Variants in PTPRB observed in about 807,000 individuals in gnomAD.
PTPRB encodes receptor-type tyrosine-protein phosphatase beta.
A neutral mutation model predicts 238.1 loss-of-function variants in PTPRB; 97 were observed. The observed-to-expected ratio is 0.41, with a 90% CI of 0.35 to 0.48. The LOEUF is 0.48. Ranked by LOEUF, PTPRB falls within the 20% of genes least tolerant of loss-of-function variation. The pLI is 0.30. For synonymous variants in PTPRB, 970 were observed against 995.4 expected, an observed-to-expected ratio of 0.97 and a Z score of 0.48; for missense variants, 2,292 against 2,681.9, an observed-to-expected ratio of 0.85 and a Z score of 3.21.
At chr12:70,625,217 G>A (rs1885119488) in intron 2 of PTPRB, among the ~76,000 whole-genome samples, 1 of 152,132 alleles carries the variant, frequency 6.6e-6, no homozygotes, top group African/African-American at 2.4e-5. Flanking sequence ...AGAAGATTTA[G>A]TCTTAACATT....
At chr12:70,545,699 G>A (rs1592437220) in intron 21 of PTPRB, among the ~76,000 whole-genome samples, 1 of 152,148 alleles carries the variant, frequency 6.6e-6, no homozygotes, top group Admixed American at 6.5e-5. Flanking sequence ...AGGAGCCCTG[G>A]CAATGAGAAT....
At chr12:70,630,603 C>T (rs1173520390) in intron 2 of PTPRB, among the ~76,000 whole-genome samples, 6 of 152,068 alleles carry the variant, frequency 3.9e-5, no homozygotes, top group East Asian at 1.9e-4. Flanking sequence ...AAAGGGTATT[C>T]GATTAGGAAA....
At chr12:70,535,025 CCT>C in intron 29 of PTPRB, 70 bp from the exon 30 acceptor site, 4 of 1,515,208 alleles carry the variant, frequency 2.6e-6, no homozygotes, top group Non-Finnish European at 3.6e-6. Context: ...GGGTTTCCCT[CCT>C]CTAAATGTCT....
At chr12:70,611,166 CCTTT>C (rs753418004) in intron 3 of PTPRB, among the ~76,000 whole-genome samples, 6 of 152,130 alleles carry the variant, frequency 3.9e-5, no homozygotes, top group Non-Finnish European at 8.8e-5. Context: ...ATGGCATATT[CCTTT>C]CTTTTTCAAA....
chr12:70,575,665 G>A (rs899433708), intron 11 of PTPRB, among the ~76,000 whole-genome samples: 1 of 152,184 alleles, frequency 6.6e-6, no homozygotes, highest in Non-Finnish European at 1.5e-5. Flanking sequence ...CCATAGCTTA[G>A]TAGGAAACAT....
At chr12:70,568,927 T>A (rs540459774) in intron 14 of PTPRB, among the ~76,000 whole-genome samples, 8 of 152,290 alleles carry the variant, frequency 5.3e-5, no homozygotes, top group African/African-American at 1.7e-4. Flanking sequence ...CTTTCAAAAA[T>A]AATACATGAA....
rs1487198729 is a variant in PTPRB at position 70,516,631 on chromosome 12, G to A, written c.*4858C>T. 2 of 152,216 alleles carry A rather than the reference G, an allele frequency of 1.3e-5. No homozygotes were observed. The highest frequency in any genetic ancestry group is 2.1e-4 in the South Asian group (1 of 4,832). The allele number at this position is 152,216 out of a possible 1,614,324, so 9.4% of individuals were successfully genotyped here. On this transcript the variant is annotated 3_prime_UTR_variant, in exon 34 of 34. Transcript: ENST00000334414. ...TTAGAACATCTCAGCATAACTGAAC[G>A]TTTGTTCTTGGGGTGAGGATATTAT...
Position 70,519,860 on chromosome 12 carries a change from A to G in PTPRB, c.*1629T>C, listed in dbSNP as rs180942818. On this transcript the variant is annotated 3_prime_UTR_variant, in exon 34 of 34. Coordinates refer to ENST00000334414, the MANE Select transcript of PTPRB (RefSeq NM_001109754.4). ...TTTGAAGCTTATGATTATGCTTCAC[A>G]TTTTTGTAAACTTCAAATAACCTTG... The G allele has an allele frequency of 6.0e-3, 993 of 164,172 alleles. 12 individuals are homozygous for G. The highest frequency in any genetic ancestry group is 0.04 in the South Asian group (253 of 6,350). 10.2% of individuals were successfully genotyped at this position (164,172 alleles called of 1,614,324 possible). A position where few individuals can be genotyped will look rare whatever the true frequency, so the allele number is the denominator to read the frequency against.
intron 11 of PTPRB, among the ~76,000 whole-genome samples, chr12:70,573,693 G>A (rs1880377075): frequency 6.6e-6 from 1 of 151,674 alleles, no homozygotes; most frequent in African/African-American, 2.4e-5. Context: ...TTTTAGTAGA[G>A]ATGGGATTTC....
chr12:70,555,414 G>C (rs886464880), intron 19 of PTPRB, 105 bp from the exon 20 acceptor site: 18 of 1,040,996 alleles, frequency 1.7e-5, no homozygotes, highest in African/African-American at 1.1e-4. Context: ...GCATCAGACT[G>C]TGTGTGTGTG....
At chr12:70,535,211 A>G (rs943604484) in intron 29 of PTPRB, among the ~76,000 whole-genome samples, 1 of 144,946 alleles carries the variant, frequency 6.9e-6, no homozygotes, top group African/African-American at 2.6e-5. Flanking sequence ...AGGCCCAGTA[A>G]TATATGGCTT....
Position 70,572,066 on chromosome 12 carries a change from A to G in PTPRB, c.2864T>C (p.Val955Ala). The change falls in exon 12 of 34, where the codon GTC becomes GCC. Residue 955 changes from valine (V) to alanine (A), a missense_variant. By Grantham distance (64) the Val-to-Ala change is moderately conservative. Coordinates refer to ENST00000334414, the MANE Select transcript of PTPRB (RefSeq NM_001109754.4). ...ERTVPDKVQG[V>A]SVSNSARSDY... ...ACTCCTGGCTGAGTTGCTAACACTGACTCCCTGGACTTTGTCAGGCACTGA... is the reference window on the plus strand; with the variant it reads ...ACTCCTGGCTGAGTTGCTAACACTGGCTCCCTGGACTTTGTCAGGCACTGA... The G allele has an allele frequency of 6.2e-7, 1 of 1,610,908 alleles. No individual in the cohort carries two copies. The highest frequency in any genetic ancestry group is 8.5e-7 in the Non-Finnish European group (1 of 1,178,610).
In PTPRB at chr12:70,552,848, G is replaced by T. The variant is rs768068901; in HGVS notation, c.5316C>A (p.Ser1772Arg). 6.2e-7 allele frequency: 1 copy of T among 1,613,916 alleles called. No homozygotes were observed. Among genetic ancestry groups the T allele is most frequent in the South Asian group, 1.1e-5 (1 of 91,066 alleles). The change falls in exon 21 of 34, where the codon AGC becomes AGA. Residue 1772 changes from serine to arginine, a missense_variant. Physicochemically the swap from Ser to Arg is moderately radical, Grantham distance 110 (BLOSUM62 -1). Around this residue, in one of 4 missense-constraint regions of PTPRB, gnomAD observed 683 missense variants for 862.0 expected, o/e 0.79. Coordinates refer to ENST00000334414, the MANE Select transcript of PTPRB (RefSeq NM_001109754.4). ...GAGTGGGATCGCATTTTCCACCTAG[G>T]CTCTCCATCTCTGCTCCAAGCTTAA... Reference protein sequence around the residue: ...FNIKLGAEMESLGGKCDPTQQ... With the variant: ...FNIKLGAEMERLGGKCDPTQQ...
rs115456633 is a variant in PTPRB, at chr12:70,635,884, G to C, written c.238C>G (p.Arg80Gly). ...AISNSSRGPS[R>G]SAILDRCSQA... ...GAACAGCGGTCCAAGATGGCTGAGC[G>C]GGAGGGGCCGCGGGAAGAGTTGGAG... Residue 80 changes from arginine to glycine, a missense_variant, in exon 2 of 34, where the codon CGC becomes GGC. Arg to Gly is a moderately radical substitution (Grantham distance 125). Transcript: ENST00000334414. The C allele has an allele frequency of 6.2e-7, 1 of 1,613,766 alleles. No homozygotes were observed. The highest frequency in any genetic ancestry group is 1.6e-4 in the Middle Eastern group (1 of 6,062).
chr12:70,535,943 G>T, intron 29 of PTPRB, 82 bp downstream of exon 29: 1 of 1,555,914 alleles, frequency 6.4e-7, no homozygotes, highest in Non-Finnish European at 8.8e-7. Context: ...TTGTTTTGCG[G>T]GGTTTCACTT....
In PTPRB at chr12:70,552,921, G is replaced by A; in HGVS notation, c.5243C>T (p.Ala1748Val). ...SIRVYQTNYF[A>V]SKCAENPNSN... ...GTTAGGATTTTCGGCACATTTGCTGGCAAAATAATTAGTCTGATACACCCG... is the reference window on the plus strand; with the variant it reads ...GTTAGGATTTTCGGCACATTTGCTGACAAAATAATTAGTCTGATACACCCG... Residue 1748 changes from alanine (A) to valine (V), a missense_variant, in exon 21 of 34, where the codon GCC (alanine) becomes GTC (valine). Physicochemically the swap from Ala to Val is moderately conservative, Grantham distance 64. Coordinates refer to ENST00000334414, the MANE Select transcript of PTPRB (RefSeq NM_001109754.4). The A allele has an allele frequency of 6.2e-7, 1 of 1,613,942 alleles. No homozygotes were observed. Among genetic ancestry groups the A allele is most frequent in the Non-Finnish European group, 8.5e-7 (1 of 1,179,876 alleles).
rs1296914795 is a variant in PTPRB at position 70,517,667 on chromosome 12, C to G, written c.*3822G>C. 1.3e-5 allele frequency: 2 copies of G among 152,106 alleles called. No homozygotes were observed. The highest frequency in any genetic ancestry group is 2.9e-5 in the Non-Finnish European group (2 of 68,020). The allele number at this position is 152,106 out of a possible 1,614,324, so 9.4% of individuals were successfully genotyped here. A position where few individuals can be genotyped will look rare whatever the true frequency, so the allele number is the denominator to read the frequency against. On this transcript the variant is annotated 3_prime_UTR_variant, in exon 34 of 34. Coordinates refer to ENST00000334414, the MANE Select transcript of PTPRB (RefSeq NM_001109754.4). ...AAATGGAACCCAGAAAGCCCTTGAACTGCTATCATATACAAGCAGTTTATT... is the reference window on the plus strand; with the variant it reads ...AAATGGAACCCAGAAAGCCCTTGAAGTGCTATCATATACAAGCAGTTTATT...
chr12:70,585,145 G>A (rs546459289), intron 9 of PTPRB: 3 of 151,866 alleles, frequency 2.0e-5, no homozygotes, highest in Non-Finnish European at 4.4e-5. Flanking sequence ...GTTTTTAGTA[G>A]AGACAGTGTC....
At chr12:70,633,646 C>A (rs1161227737) in intron 2 of PTPRB, among the ~76,000 whole-genome samples, 1 of 152,078 alleles carries the variant, frequency 6.6e-6, no homozygotes, top group Non-Finnish European at 1.5e-5. Flanking sequence ...AAATTAATTT[C>A]TTTCCCCAAC....
Sources: gnomAD v4.1 joint callset for allele counts (sites outside exome capture counted in the v4.1 genomes callset) on GRCh38, gnomAD v4.1.1 for gene constraint, gnomAD v4.1.1 regional missense constraint, MANE v1.5 for transcripts, NCBI Gene and HGNC (gene_info 2026-07-23, HGNC 2026-07-21) for gene names.